The following RNF150 variants were observed in gnomAD, a reference collection of about 807,000 sequenced individuals.
RNF150 encodes the protein ring finger protein 150.
In RNF150, 24 loss-of-function variants were observed where a neutral mutation model predicts 39.3. The observed-to-expected ratio is 0.61, with a 90% CI of 0.44 to 0.86. RNF150 has a LOEUF of 0.86. Ranked by LOEUF, RNF150 falls within the 40% of genes least tolerant of loss-of-function variation. RNF150 has a pLI of 0.00. For missense variants in RNF150, 502 were observed against 587.8 expected, an observed-to-expected ratio of 0.85 and a Z score of 1.51; for synonymous variants, 255 against 227.3, an observed-to-expected ratio of 1.12 and a Z score of -1.10.
chr4:141,090,945 T>G (rs1738557969), intron 1 of RNF150, among the ~76,000 whole-genome samples: 1 of 152,240 alleles, frequency 6.6e-6, no homozygotes, highest in Non-Finnish European at 1.5e-5. Context: ...GTCTGTTGGC[T>G]GCTTGTTTTC....
intron 5 of RNF150, among the ~76,000 whole-genome samples, chr4:140,916,415 C>T (rs913827832): frequency 3.4e-4 from 52 of 151,988 alleles, no homozygotes; most frequent in Non-Finnish European, 6.0e-4. Flanking sequence ...CCTCAGTAAC[C>T]GATGTGATCA....
intron 1 of RNF150, among the ~76,000 whole-genome samples, chr4:141,055,819 A>G (rs1736943655): frequency 1.3e-5 from 2 of 152,244 alleles, no homozygotes; most frequent in South Asian, 4.1e-4. Context: ...ACTGATAAAA[A>G]GAAAATCCAG....
At chr4:140,925,182 T>C (rs953614080) in intron 5 of RNF150, among the ~76,000 whole-genome samples, 3 of 152,336 alleles carry the variant, frequency 2.0e-5, no homozygotes, top group Admixed American at 6.5e-5. Context: ...TCTCTCAGTG[T>C]AGTCCTTGGA....
At chr4:140,960,440 T>C (rs779623450) in intron 2 of RNF150, among the ~76,000 whole-genome samples, 4 of 152,166 alleles carry the variant, frequency 2.6e-5, no homozygotes, top group East Asian at 1.9e-4. Flanking sequence ...AGAAACACTT[T>C]TCAACCATAC....
intron 1 of RNF150, among the ~76,000 whole-genome samples, chr4:140,970,771 A>G (rs538716271): frequency 7.2e-5 from 11 of 152,104 alleles, no homozygotes; most frequent in Non-Finnish European, 1.2e-4. Context: ...CTCATGACAT[A>G]TAATATCCAC....
intron 1 of RNF150, among the ~76,000 whole-genome samples, chr4:141,091,503 C>A (rs73849807): frequency 0.015 from 2,337 of 152,182 alleles, 57 homozygotes; most frequent in African/African-American, 0.054. Flanking sequence ...AAAGGGGAGA[C>A]ATTTGGATCC....
At position 141,100,456 on chromosome 4, in the gene RNF150, T is replaced by C. The variant is rs139850654; in HGVS notation, c.484+31869A>G. On this transcript the variant is annotated intron_variant, in intron 1 of 6. Transcript: ENST00000515673. ...CCCAAACACTGCTGATCACAAGTAC[T>C]GTACATCTACTACTAAATAAGTAAT... 2.3e-3 allele frequency among the ~76,000 whole-genome samples: 357 copies of C among 152,340 alleles called. 3 individuals are homozygous for C. The highest frequency in any genetic ancestry group is 8.1e-3 in the African/African-American group (337 of 41,588).
intron 1 of RNF150, among the ~76,000 whole-genome samples, chr4:141,025,715 G>A (rs1057066908): frequency 9.2e-5 from 14 of 152,136 alleles, no homozygotes; most frequent in African/African-American, 2.4e-4. Flanking sequence ...TTTCTTCTAA[G>A]AATAGGATGT....
intron 1 of RNF150, among the ~76,000 whole-genome samples, chr4:141,209,826 C>T (rs1401471402): frequency 1.3e-5 from 2 of 151,984 alleles, no homozygotes; most frequent in Admixed American, 6.6e-5. Flanking sequence ...GGCAATATAG[C>T]AAGACCCCAT....
rs1730384340 is a variant in RNF150, at chr4:140,906,578, T to C, written c.1198+4566A>G. ...AGATACACTCCTCTTTCCCCAAGGA[T>C]CAGAGTTGATGGGAAGTTAGCAAAG... is the stretch of plus-strand genomic sequence containing the variant. On this transcript the variant is annotated intron_variant, in intron 6 of 6. Coordinates refer to ENST00000515673, the MANE Select transcript of RNF150 (RefSeq NM_020724.2). Among the ~76,000 whole-genome samples, 3 of 152,302 alleles carry C rather than the reference T, an allele frequency of 2.0e-5. No individual in the cohort carries two copies. The South Asian group carries it at 6.2e-4, about 32-fold the overall frequency.
intron 1 of RNF150, among the ~76,000 whole-genome samples, chr4:141,090,848 A>G (rs779816996): frequency 5.9e-5 from 9 of 152,100 alleles, no homozygotes; most frequent in Non-Finnish European, 1.2e-4. Flanking sequence ...CTGGATTTCT[A>G]TGTAACATCT....
chr4:140,950,084 G>C (rs1334492460), intron 2 of RNF150, among the ~76,000 whole-genome samples: 1 of 152,200 alleles, frequency 6.6e-6, no homozygotes, highest in East Asian at 1.9e-4. Flanking sequence ...AGAGGGTGAT[G>C]AGGAAAACTG....
At chr4:140,871,004 A>C (rs12641045) in intron 6 of RNF150, among the ~76,000 whole-genome samples, 49,637 of 119,998 alleles carry the variant, frequency 0.41, 9,425 homozygotes, top group South Asian at 0.54. Context: ...CTCTCTCTCT[A>C]TATATATATA....
chr4:140,888,758 A>G (rs1343501855), intron 6 of RNF150, among the ~76,000 whole-genome samples: 2 of 152,226 alleles, frequency 1.3e-5, no homozygotes, highest in Non-Finnish European at 2.9e-5. Context: ...TAAAGCTGAA[A>G]GAGACTTAGA....
chr4:141,088,522 G>T (rs1738454450), intron 1 of RNF150, among the ~76,000 whole-genome samples: 1 of 152,142 alleles, frequency 6.6e-6, no homozygotes, highest in Admixed American at 6.5e-5. Flanking sequence ...GGTAGGCATT[G>T]CATTTAAAAA....
chr4:141,007,956 T>C (rs1734934445), intron 1 of RNF150, among the ~76,000 whole-genome samples: 2 of 152,188 alleles, frequency 1.3e-5, no homozygotes, highest in African/African-American at 4.8e-5. Context: ...CTGTGTTAAG[T>C]GGACATCCTG....
rs191849219 is a variant in RNF150, at chr4:141,025,986, A to G, written c.485-58113T>C. Among the ~76,000 whole-genome samples, 3 of 152,258 alleles carry G rather than the reference A, an allele frequency of 2.0e-5. No individual in the cohort carries two copies. The East Asian group carries it at 5.8e-4, about 29-fold the overall frequency. ...TGGATTAGCGTCCTCCTAAGAAAAGAGAGAGTTTGCTTCCTCTCTATCTGC... is the reference window on the plus strand; with the variant it reads ...TGGATTAGCGTCCTCCTAAGAAAAGGGAGAGTTTGCTTCCTCTCTATCTGC... On this transcript the variant is annotated intron_variant, in intron 1 of 6. Transcript: ENST00000515673.
chr4:141,040,047 T>A (rs1283321279), intron 1 of RNF150, among the ~76,000 whole-genome samples: 1 of 152,156 alleles, frequency 6.6e-6, no homozygotes, highest in South Asian at 2.1e-4. Context: ...TCCTTCTCCA[T>A]GCTATCTTCC....
chr4:140,975,876 T>C (rs551764692), intron 1 of RNF150, among the ~76,000 whole-genome samples: 6 of 152,282 alleles, frequency 3.9e-5, no homozygotes, highest in East Asian at 3.9e-4. Context: ...GCCTGAGGCA[T>C]TGCTGAAGTT....
Sources: gnomAD v4.1 joint callset for allele counts (sites outside exome capture counted in the v4.1 genomes callset) on GRCh38, gnomAD v4.1.1 for gene constraint, MANE v1.5 for transcripts, NCBI Gene and HGNC (gene_info 2026-07-23, HGNC 2026-07-21) for gene names.